Variants in SLTM observed in about 807,000 individuals in gnomAD.
SLTM encodes SAFB like transcription modulator, also known as SAFB-like transcription modulator.
Under a neutral mutation model 134.6 loss-of-function variants are expected in SLTM, and 43 were observed. The observed-to-expected ratio is 0.32, with a 90% CI of 0.25 to 0.41. The LOEUF (loss-of-function observed/expected upper bound fraction) is 0.41, where lower values mean the gene tolerates loss of function less well. Among genes scored for constraint, SLTM ranks in the 10% least tolerant of loss-of-function variants. SLTM has a pLI of 1.00. For missense variants in SLTM, 1,055 were observed against 1,288.8 expected, an observed-to-expected ratio of 0.82 and a Z score of 2.78; for synonymous variants, 424 against 432.3, an observed-to-expected ratio of 0.98 and a Z score of 0.24.
intron 9 of SLTM, among the ~76,000 whole-genome samples, chr15:58,894,886 G>T (rs531013992): frequency 6.6e-6 from 1 of 152,090 alleles, no homozygotes; most frequent in East Asian, 1.9e-4. Context: ...TGTATTTTTA[G>T]TACAGATAGG....
At position 58,899,336 on chromosome 15, in the gene SLTM, G is replaced by T; in HGVS notation, c.1058+133C>A. On this transcript the variant is annotated intron_variant, in intron 7 of 20. Transcript: ENST00000380516. The surrounding 1 kb of genome is among the most constrained non-coding windows in gnomAD (Gnocchi z 5.0). ...AAATTTTTAAAAGTAACTTATGACG[G>T]TCAAAAATATTATAGGCAGGATCAT... 1.4e-6 allele frequency: 1 copy of T among 731,886 alleles called. No individual in the cohort carries two copies. The highest frequency in any genetic ancestry group is 2.2e-6 in the Non-Finnish European group (1 of 449,072). The allele number at this position is 731,886 out of a possible 1,614,324, so 45.3% of individuals were successfully genotyped here. A position where few individuals can be genotyped will look rare whatever the true frequency, so the allele number is the denominator to read the frequency against.
intron 2 of SLTM, among the ~76,000 whole-genome samples, chr15:58,929,592 T>G (rs2037727094): frequency 6.6e-6 from 1 of 152,212 alleles, no homozygotes; most frequent in Non-Finnish European, 1.5e-5. Flanking sequence ...TTAAACATCT[T>G]AATTCTTTTT....
chr15:58,883,822 G>C, intron 19 of SLTM, 36 bp from the exon 20 acceptor site: 3 of 1,609,506 alleles, frequency 1.9e-6, no homozygotes, highest in Non-Finnish European at 2.5e-6. Context: ...ACTTGGCCGG[G>C]CGCAGTGGCT....
intron 2 of SLTM, among the ~76,000 whole-genome samples, chr15:58,920,975 A>T (rs993298996): frequency 5.9e-5 from 9 of 152,166 alleles, no homozygotes; most frequent in Admixed American, 5.9e-4. Context: ...AAAATAAAAA[A>T]TTTTTAAAAT....
intron 17 of SLTM, 80 bp from the exon 18 acceptor site, chr15:58,887,620 C>A: frequency 6.6e-7 from 1 of 1,515,646 alleles, no homozygotes; most frequent in Non-Finnish European, 8.8e-7. Context: ...GTCTGCATAA[C>A]CTACAATAAT....
rs374793132 is a variant in SLTM at position 58,879,994 on chromosome 15, C to A, written c.*5G>T. ...TATCTTAAAACCTTGGCAGAGAGCT[C>A]ATTTTCAGAATCGTCGCGGAGGTCC... On this transcript the variant is annotated 3_prime_UTR_variant, in exon 21 of 21. Coordinates refer to ENST00000380516, the MANE Select transcript of SLTM (RefSeq NM_024755.4). The A allele has an allele frequency of 6.2e-7, 1 of 1,612,862 alleles. No individual in the cohort carries two copies. Among genetic ancestry groups the A allele is most frequent in the Non-Finnish European group, 8.5e-7 (1 of 1,179,542 alleles).
At chr15:58,905,422 G>A (rs1377940448) in intron 5 of SLTM, among the ~76,000 whole-genome samples, 6 of 152,112 alleles carry the variant, frequency 3.9e-5, no homozygotes, top group African/African-American at 1.4e-4. Flanking sequence ...GCAACATGTG[G>A]CCAGGCGTGG....
At position 58,889,326 on chromosome 15, in the gene SLTM, C is replaced by T. The variant is rs2034482914; in HGVS notation, c.2204+104G>A. 3 of 1,455,618 alleles carry T rather than the reference C, an allele frequency of 2.1e-6. No individual in the cohort carries two copies. The South Asian group carries it at 3.8e-5, about 19-fold the overall frequency. The allele number at this position is 1,455,618 out of a possible 1,614,324, so 90.2% of individuals were successfully genotyped here. A position where few individuals can be genotyped will look rare whatever the true frequency, so the allele number is the denominator to read the frequency against. On this transcript the variant is annotated intron_variant, in intron 16 of 20. Transcript: ENST00000380516. ...TCCTTCCCATCCCTGTTGATCATGA[C>T]TTTTATTCCAGTGATGGGAGCCTGT...
At chr15:58,886,045 C>T (rs1478143802) in intron 19 of SLTM, among the ~76,000 whole-genome samples, 2 of 152,046 alleles carry the variant, frequency 1.3e-5, no homozygotes, top group South Asian at 2.1e-4. Context: ...TTTCCTCTGT[C>T]CAGCTCATTA....
intron 20 of SLTM, among the ~76,000 whole-genome samples, chr15:58,882,832 G>C (rs76197865): frequency 6.6e-6 from 1 of 152,228 alleles, no homozygotes; most frequent in Non-Finnish European, 1.5e-5. Flanking sequence ...GGCCACATCC[G>C]ACCTCAGTGT....
chr15:58,890,183 T>C, intron 15 of SLTM, 98 bp downstream of exon 15: 5 of 1,386,894 alleles, frequency 3.6e-6, no homozygotes, highest in Middle Eastern at 1.9e-4. Flanking sequence ...AAACTCATTC[T>C]ATAGACGCTT....
chr15:58,895,399 T>A (rs1056003585), intron 9 of SLTM, among the ~76,000 whole-genome samples: 1 of 152,102 alleles, frequency 6.6e-6, no homozygotes, highest in African/African-American at 2.4e-5. Context: ...TATATGAACA[T>A]GACAAATAAT....
Position 58,913,562 on chromosome 15 carries a change from T to C in SLTM, c.450A>G (p.Arg150=). The change falls in exon 4 of 21, where the codon AGA becomes AGG. Residue 150 remains arginine (R), a synonymous_variant. Transcript: ENST00000380516. The stretch of plus-strand genomic sequence containing the variant: ...CTTCTGCCTCTATTAATTCATGAGC[T>C]CTCTTGTTTTCTTCTGCAGAGAGTA... ...KELLSAEENK[R]AHELIEAEGI... The C allele has an allele frequency of 6.2e-7, 1 of 1,613,424 alleles. No homozygotes were observed. The highest frequency in any genetic ancestry group is 8.5e-7 in the Non-Finnish European group (1 of 1,179,854).
rs560916599 is a variant in SLTM, at chr15:58,897,508, A to G, written c.1109-275T>C. 3 of 292,084 alleles carry G rather than the reference A, an allele frequency of 1.0e-5. No homozygotes were observed. In the East Asian group the frequency reaches 2.0e-4, roughly 20 times the overall value. The allele number at this position is 292,084 out of a possible 1,614,324, so 18.1% of individuals were successfully genotyped here. A position where few individuals can be genotyped will look rare whatever the true frequency, so the allele number is the denominator to read the frequency against. On this transcript the variant is annotated intron_variant, in intron 8 of 20. Transcript: ENST00000380516. ...AGACTTTTGCTGTTCAGTTTTAATAATTTATAGTCTACCACTGCACTGAAT... is the reference window on the plus strand; with the variant it reads ...AGACTTTTGCTGTTCAGTTTTAATAGTTTATAGTCTACCACTGCACTGAAT...
At chr15:58,889,173 A>T (rs1189104186) in intron 16 of SLTM, 3 of 343,608 alleles carry the variant, frequency 8.7e-6, no homozygotes, top group Non-Finnish European at 1.6e-5. Flanking sequence ...TTTAATTATT[A>T]TTGAAGCCTA....
At chr15:58,908,002 CGT>C (rs140029214) in intron 5 of SLTM, among the ~76,000 whole-genome samples, 1,782 of 139,922 alleles carry the variant, frequency 0.013, 46 homozygotes, top group African/African-American at 0.045. Context: ...AAACATGCTG[CGT>C]GTGTGTGTGT....
At chr15:58,903,578 C>T (rs1371688316) in intron 5 of SLTM, among the ~76,000 whole-genome samples, 2 of 151,796 alleles carry the variant, frequency 1.3e-5, no homozygotes, top group African/African-American at 2.4e-5. Context: ...AGGAGATATA[C>T]CTGACGCTAA....
In SLTM at chr15:58,890,435, C is replaced by T. The variant is rs766854980; in HGVS notation, c.1925G>A (p.Arg642His). 4.3e-6 allele frequency: 7 copies of T among 1,613,774 alleles called. No individual in the cohort carries two copies. The Admixed American group carries it at 5.0e-5, about 12-fold the overall frequency. The stretch of plus-strand genomic sequence containing the variant: ...TATTCTAATGCGTTCTCGCTCTCGA[C>T]GCTCTCTCTCTGCAATCTCTCTTCG... ...RRRREIAERE[R>H]RERERIRIIR... Residue 642 changes from arginine (R) to histidine (H), a missense_variant, in exon 15 of 21, where the codon CGT becomes CAT. Transcript: ENST00000380516.
At position 58,892,933 on chromosome 15, in the gene SLTM, C is replaced by T. The variant is rs553780509; in HGVS notation, c.1862G>A (p.Arg621His). The T allele has an allele frequency of 1.9e-6, 3 of 1,613,538 alleles. No individual in the cohort carries two copies. The highest frequency in any genetic ancestry group is 1.3e-5 in the African/African-American group (1 of 74,984). The change falls in exon 14 of 21, where the codon CGT becomes CAT. Residue 621 changes from arginine to histidine, a missense_variant. Physicochemically the swap from Arg to His is conservative, Grantham distance 29 (BLOSUM62 0). Around this residue, in one of 3 missense-constraint regions of SLTM, gnomAD observed 776 missense variants for 962.2 expected, o/e 0.81. Transcript: ENST00000380516. ...CATTGCTCGTCGCAGCCTTTCAAAA[C>T]GAACTAAATGTTCTCTCAACCTTTG... is the stretch of plus-strand genomic sequence containing the variant. ...KEQRLREHLV[R>H]FERLRRAMEL... is the part of the protein sequence containing the mutation.
Sources: allele counts gnomAD v4.1 joint callset (sites outside exome capture counted in the v4.1 genomes callset), GRCh38; gene constraint gnomAD v4.1.1; regional missense constraint gnomAD v4.1.1; non-coding constraint Gnocchi (gnomAD v3.1); transcripts MANE v1.5; gene names NCBI Gene and HGNC (gene_info 2026-07-23, HGNC 2026-07-21).